The following ME1 variants were observed in gnomAD, a reference collection of about 807,000 sequenced individuals.
The protein encoded by ME1 is malic enzyme 1.
A neutral mutation model predicts 66.4 loss-of-function variants in ME1; 74 were observed. The observed-to-expected ratio is 1.11, with a 90% CI of 0.92 to 1.35. ME1 has a LOEUF of 1.35. Ranked by LOEUF, ME1 falls within the 40% of genes most tolerant of loss-of-function variation. ME1 has a pLI of 0.00. For synonymous variants in ME1, 251 were observed against 235.6 expected, an observed-to-expected ratio of 1.07 and a Z score of -0.60; for missense variants, 750 against 694.1, an observed-to-expected ratio of 1.08 and a Z score of -0.90.
At chr6:83,378,726 A>C (rs1268447335) in intron 3 of ME1, among the ~76,000 whole-genome samples, 2 of 150,040 alleles carry the variant, frequency 1.3e-5, no homozygotes, top group African/African-American at 4.9e-5. Flanking sequence ...AGATACTTGG[A>C]CAACAGAAAT....
intron 11 of ME1, among the ~76,000 whole-genome samples, chr6:83,227,055 T>C (rs541584845): frequency 6.6e-6 from 1 of 150,394 alleles, no homozygotes; most frequent in South Asian, 2.1e-4. Flanking sequence ...GCTTCCTTTC[T>C]ATTTAACTTT....
chr6:83,303,046 A>G (rs1024544000), intron 6 of ME1, among the ~76,000 whole-genome samples: 2 of 152,306 alleles, frequency 1.3e-5, no homozygotes, highest in Middle Eastern at 3.4e-3. Context: ...CAAGGACATG[A>G]TAGAGGAATT....
chr6:83,250,978 C>T (rs948709290), intron 7 of ME1, among the ~76,000 whole-genome samples: 5 of 152,188 alleles, frequency 3.3e-5, no homozygotes, highest in African/African-American at 1.2e-4. Context: ...GTTGCAATAA[C>T]TTTACAAAAA....
chr6:83,406,264 C>T (rs974230114), intron 2 of ME1, among the ~76,000 whole-genome samples: 1 of 152,188 alleles, frequency 6.6e-6, no homozygotes. Context: ...CATCGATGTT[C>T]ATCAGGGATA....
intron 2 of ME1, among the ~76,000 whole-genome samples, chr6:83,403,454 A>G (rs1028665025): frequency 6.6e-6 from 1 of 152,162 alleles, no homozygotes; most frequent in African/African-American, 2.4e-5. Flanking sequence ...ACATGAGGGA[A>G]AGGGAAAGGC....
chr6:83,384,830 A>T (rs1185987425), intron 3 of ME1, among the ~76,000 whole-genome samples: 1 of 151,814 alleles, frequency 6.6e-6, no homozygotes, highest in Non-Finnish European at 1.5e-5. Context: ...TTCTGTTTCA[A>T]TATTCTACAT....
chr6:83,216,418 C>T, intron 13 of ME1, 80 bp downstream of exon 13: 1 of 993,460 alleles, frequency 1.0e-6, no homozygotes, highest in East Asian at 2.4e-5. Flanking sequence ...TTCAAGGAAG[C>T]AGATTTTTAA....
At position 83,211,503 on chromosome 6, in the gene ME1, C is replaced by T. The variant is rs1165596300; in HGVS notation, c.*421G>A. On this transcript the variant is annotated 3_prime_UTR_variant, in exon 14 of 14. Coordinates refer to ENST00000369705, the MANE Select transcript of ME1 (RefSeq NM_002395.6). ...GTTATTTCTGCTTAGCAAAAGTTCA[C>T]CTACGCCTAGATTCATTTCTAGCTT... 6.7e-6 allele frequency: 1 copy of T among 148,324 alleles called. No individual in the cohort carries two copies. Among genetic ancestry groups the T allele is most frequent in the African/African-American group, 2.5e-5 (1 of 39,756 alleles). 9.2% of individuals were successfully genotyped at this position (148,324 alleles called of 1,614,324 possible). A position where few individuals can be genotyped will look rare whatever the true frequency, so the allele number is the denominator to read the frequency against.
chr6:83,285,258 C>T (rs1317055613), intron 6 of ME1, among the ~76,000 whole-genome samples: 2 of 152,094 alleles, frequency 1.3e-5, no homozygotes, highest in Non-Finnish European at 2.9e-5. Context: ...CTTTTGCCTG[C>T]ATCAAAAAGC....
At chr6:83,393,433 C>T (rs573621645) in intron 3 of ME1, 25 of 600,910 alleles carry the variant, frequency 4.2e-5, no homozygotes, top group Non-Finnish European at 5.7e-5. Flanking sequence ...CCAGCCCCAG[C>T]GACAGCACGA....
At chr6:83,428,476 C>A (rs956018227) in intron 1 of ME1, among the ~76,000 whole-genome samples, 2 of 152,106 alleles carry the variant, frequency 1.3e-5, no homozygotes, top group African/African-American at 4.8e-5. Context: ...TGATGAAGTT[C>A]TGTGTTAGTG....
chr6:83,289,795 T>C (rs2128534601), intron 6 of ME1, among the ~76,000 whole-genome samples: 1 of 152,338 alleles, frequency 6.6e-6, no homozygotes, highest in East Asian at 1.9e-4. Context: ...TATTAATTAT[T>C]GCCTCAATTT....
At chr6:83,220,987 C>G (rs550243305) in intron 12 of ME1, among the ~76,000 whole-genome samples, 1 of 151,962 alleles carries the variant, frequency 6.6e-6, no homozygotes, top group Non-Finnish European at 1.5e-5. Context: ...GGTGAAACCC[C>G]GTCTCTACTA....
chr6:83,391,958 A>G (rs1029720933), intron 3 of ME1, among the ~76,000 whole-genome samples: 7 of 152,172 alleles, frequency 4.6e-5, no homozygotes, highest in Admixed American at 1.3e-4. Flanking sequence ...CTCTTTCTCC[A>G]TAACACTTAT....
intron 13 of ME1, among the ~76,000 whole-genome samples, chr6:83,213,339 A>G (rs893066136): frequency 6.7e-5 from 10 of 149,970 alleles, no homozygotes; most frequent in Non-Finnish European, 1.3e-4. Context: ...CAAGAGAATC[A>G]CTTGAACCCG....
At chr6:83,262,642 T>C (rs1766920061) in intron 6 of ME1, among the ~76,000 whole-genome samples, 1 of 152,218 alleles carries the variant, frequency 6.6e-6, no homozygotes, top group East Asian at 1.9e-4. Flanking sequence ...TACTGAAGAA[T>C]ATTACAGTCA....
At position 83,393,258 on chromosome 6, in the gene ME1, T is replaced by A. The variant is rs1769660460; in HGVS notation, c.362+5109A>T. 3.4e-6 allele frequency: 4 copies of A among 1,168,122 alleles called. No individual in the cohort carries two copies. The East Asian group carries it at 9.4e-5, about 27-fold the overall frequency. The allele number at this position is 1,168,122 out of a possible 1,614,324, so 72.4% of individuals were successfully genotyped here. On this transcript the variant is annotated intron_variant, in intron 3 of 13. Coordinates refer to ENST00000369705, the MANE Select transcript of ME1 (RefSeq NM_002395.6). ...TGAGCACCAGGTGGTCTCCTCCAAC[T>A]TCAACAGACACCCACTCTTCCACCT...
chr6:83,354,094 A>G (rs1436741120), intron 3 of ME1, among the ~76,000 whole-genome samples: 2 of 151,972 alleles, frequency 1.3e-5, no homozygotes, highest in Non-Finnish European at 2.9e-5. Context: ...TCTCTTCTCC[A>G]GCTACACTCA....
intron 5 of ME1, among the ~76,000 whole-genome samples, chr6:83,320,624 A>T (rs779719778): frequency 2.0e-5 from 3 of 152,232 alleles, no homozygotes; most frequent in Admixed American, 6.5e-5. Context: ...GCCAGAATTA[A>T]AATACTTTCT....
Sources: allele counts gnomAD v4.1 joint callset (sites outside exome capture counted in the v4.1 genomes callset), GRCh38; gene constraint gnomAD v4.1.1; transcripts MANE v1.5; gene names NCBI Gene and HGNC (gene_info 2026-07-23, HGNC 2026-07-21).